Variants in RGL1 observed in about 807,000 individuals in gnomAD.
RGL1 encodes ral guanine nucleotide dissociation stimulator-like 1.
In RGL1, 24 loss-of-function variants were observed where a neutral mutation model predicts 95.2. The observed-to-expected ratio is 0.25, with a 90% CI of 0.18 to 0.35. The LOEUF is 0.35. Ranked by LOEUF, RGL1 falls within the 10% of genes least tolerant of loss-of-function variation. The probability of loss-of-function intolerance (pLI) is 1.00; values close to 1 mark genes in which losing one functional copy is unlikely to be tolerated. For synonymous variants in RGL1, 329 were observed against 344.9 expected, an observed-to-expected ratio of 0.95 and a Z score of 0.51; for missense variants, 715 against 936.3, an observed-to-expected ratio of 0.76 and a Z score of 3.08.
At chr1:183,713,722 G>A (rs1356095693) in intron 1 of RGL1, among the ~76,000 whole-genome samples, 1 of 152,066 alleles carries the variant, frequency 6.6e-6, no homozygotes, top group Non-Finnish European at 1.5e-5. Flanking sequence ...CTTTGATCTT[G>A]GACTTTCCAG....
intron 2 of RGL1, among the ~76,000 whole-genome samples, chr1:183,826,019 A>G (rs898933224): frequency 1.4e-5 from 2 of 144,100 alleles, no homozygotes; most frequent in Non-Finnish European, 3.1e-5. Flanking sequence ...CAATCAATCA[A>G]TCAATCAATC....
chr1:183,856,420 A>G (rs1341008118), intron 3 of RGL1, among the ~76,000 whole-genome samples: 1 of 151,950 alleles, frequency 6.6e-6, no homozygotes, highest in African/African-American at 2.4e-5. Context: ...AATTATTTTG[A>G]AAAATTTCCT....
chr1:183,693,579 A>C (rs912096976), intron 1 of RGL1, among the ~76,000 whole-genome samples: 70 of 146,214 alleles, frequency 4.8e-4, no homozygotes, highest in Non-Finnish European at 1.9e-4. Context: ...ATTCTAGATT[A>C]CTTTTTTTTT....
At chr1:183,734,317 TAGC>T (rs1419880007) in intron 1 of RGL1, among the ~76,000 whole-genome samples, 3 of 152,136 alleles carry the variant, frequency 2.0e-5, no homozygotes, top group African/African-American at 4.8e-5. Context: ...TATTAAAGGA[TAGC>T]AGTGGAGTGG....
intron 4 of RGL1, among the ~76,000 whole-genome samples, chr1:183,869,347 A>G (rs1046394621): frequency 6.6e-6 from 1 of 152,248 alleles, no homozygotes; most frequent in Non-Finnish European, 1.5e-5. Flanking sequence ...AGTTTTAAGC[A>G]TATGAGGGCT....
At chr1:183,814,797 A>G (rs1011129975) in intron 2 of RGL1, among the ~76,000 whole-genome samples, 1 of 152,242 alleles carries the variant, frequency 6.6e-6, no homozygotes, top group Admixed American at 6.5e-5. Context: ...TAATTCTTCC[A>G]TAGTTATGTG....
At chr1:183,683,570 C>T (rs553526212) in intron 1 of RGL1, among the ~76,000 whole-genome samples, 25 of 152,228 alleles carry the variant, frequency 1.6e-4, no homozygotes, top group African/African-American at 4.1e-4. Flanking sequence ...GTGGGTAACC[C>T]GACCTTTCTT....
rs115546256 is a variant in RGL1 at position 183,903,373 on chromosome 1, C to T, written c.1350+773C>T. 9.3e-3 allele frequency among the ~76,000 whole-genome samples: 1,411 copies of T among 152,174 alleles called. 18 individuals carry two copies. Among genetic ancestry groups the T allele is most frequent in the African/African-American group, 0.032 (1,321 of 41,510 alleles). On this transcript the variant is annotated intron_variant, in intron 12 of 17. Transcript: ENST00000360851. ...TTCCTGTGGATAGCACAGTTCTGAACTGTGCTATTCAAGATAAAACAGTCT... is the reference window on the plus strand; with the variant it reads ...TTCCTGTGGATAGCACAGTTCTGAATTGTGCTATTCAAGATAAAACAGTCT...
intron 4 of RGL1, among the ~76,000 whole-genome samples, chr1:183,871,951 C>T (rs1046222976): frequency 2.0e-5 from 3 of 151,754 alleles, no homozygotes; most frequent in African/African-American, 7.3e-5. Flanking sequence ...CTTTGCCTCA[C>T]GGTGATTTCT....
chr1:183,668,019 G>A (rs61811217), intron 1 of RGL1, among the ~76,000 whole-genome samples: 1 of 109,144 alleles, frequency 9.2e-6, no homozygotes, highest in East Asian at 2.9e-4. Context: ...GTGTGTGTGT[G>A]TGTGTGTCTG....
chr1:183,835,219 ACTTTCTTCTT>A (rs765784690), intron 2 of RGL1, among the ~76,000 whole-genome samples: 13,700 of 152,068 alleles, frequency 0.09, 651 homozygotes, highest in South Asian at 0.11. Context: ...TCTATATGCT[ACTTTCTTCTT>A]TAAATGTTTT....
intron 1 of RGL1, among the ~76,000 whole-genome samples, chr1:183,739,464 C>T (rs997653025): frequency 4.6e-5 from 7 of 152,206 alleles, no homozygotes; most frequent in African/African-American, 1.7e-4. Context: ...TATTTAACCT[C>T]TCTGAATCTT....
chr1:183,666,166 C>G (rs1353536895), intron 1 of RGL1, among the ~76,000 whole-genome samples: 1 of 151,798 alleles, frequency 6.6e-6, no homozygotes, highest in African/African-American at 2.4e-5. Flanking sequence ...CCACCACACT[C>G]GGCTAATTTT....
chr1:183,818,040 T>C (rs2102447841), intron 2 of RGL1, among the ~76,000 whole-genome samples: 1 of 152,326 alleles, frequency 6.6e-6, no homozygotes, highest in East Asian at 1.9e-4. Flanking sequence ...TCCTATCCAA[T>C]GTTGATCTAG....
intron 1 of RGL1, among the ~76,000 whole-genome samples, chr1:183,713,506 C>G (rs1266410522): frequency 1.3e-5 from 2 of 150,672 alleles, no homozygotes; most frequent in Non-Finnish European, 2.9e-5. Flanking sequence ...TCCCAAAATT[C>G]CTTTCTCAAT....
upstream of RGL1, among the ~76,000 whole-genome samples, chr1:183,801,679 G>A (rs1203978780): frequency 6.6e-6 from 1 of 152,112 alleles, no homozygotes; most frequent in African/African-American, 2.4e-5. Flanking sequence ...AGTTTATTTG[G>A]CTCATGGTTC....
chr1:183,788,086 C>T (rs1660266878), intron 2 of RGL1, among the ~76,000 whole-genome samples: 1 of 152,176 alleles, frequency 6.6e-6, no homozygotes, highest in Non-Finnish European at 1.5e-5. Flanking sequence ...TTCCCTTTTA[C>T]CTGCTTACTT....
At chr1:183,769,198 A>G (rs1659153482) in intron 2 of RGL1, among the ~76,000 whole-genome samples, 1 of 152,252 alleles carries the variant, frequency 6.6e-6, no homozygotes, top group Admixed American at 6.5e-5. Flanking sequence ...AAAGTTAACT[A>G]CATGGGTATT....
At chr1:183,714,384 T>C (rs962743526) in intron 1 of RGL1, among the ~76,000 whole-genome samples, 3 of 152,178 alleles carry the variant, frequency 2.0e-5, no homozygotes. Flanking sequence ...TAAAAGATCA[T>C]TTAGAGAACC....
Sources: allele counts gnomAD v4.1 joint callset (sites outside exome capture counted in the v4.1 genomes callset), GRCh38; gene constraint gnomAD v4.1.1; transcripts MANE v1.5; gene names NCBI Gene and HGNC (gene_info 2026-07-23, HGNC 2026-07-21).